Variants in CTNNBL1 observed in about 807,000 individuals in gnomAD.
The protein encoded by CTNNBL1 is beta-catenin-like protein 1.
CTNNBL1 carries 31 observed loss-of-function variants against 72.7 expected under a neutral mutation model. That is an observed-to-expected ratio of 0.43 (90% CI 0.32 to 0.58). The LOEUF is 0.58. Among genes scored for constraint, CTNNBL1 ranks in the 20% least tolerant of loss-of-function variants. CTNNBL1 has a pLI of 0.08. For missense variants in CTNNBL1, 534 were observed against 725.1 expected (o/e 0.74, Z 3.03); for synonymous variants, 240 against 267.3 (o/e 0.90, Z 1.00).
At chr20:37,736,799 A>G (rs367817252) in intron 2 of CTNNBL1, among the ~76,000 whole-genome samples, 1 of 152,102 alleles carries the variant, frequency 6.6e-6, no homozygotes, top group Admixed American at 6.5e-5. Flanking sequence ...TGAAGTGCCC[A>G]GTCTTTAACA....
intron 11 of CTNNBL1, among the ~76,000 whole-genome samples, chr20:37,828,408 C>T (rs2072179319): frequency 6.6e-6 from 1 of 151,950 alleles, no homozygotes; most frequent in Non-Finnish European, 1.5e-5. Flanking sequence ...AAAAATATGC[C>T]TATTGGGTAT....
chr20:37,822,499 A>G (rs766218036), intron 11 of CTNNBL1, among the ~76,000 whole-genome samples: 1 of 152,220 alleles, frequency 6.6e-6, no homozygotes, highest in Non-Finnish European at 1.5e-5. Flanking sequence ...GCCAGAAACC[A>G]TCTGTTTTAT....
At chr20:37,812,980 A>G (rs1421205294) in intron 11 of CTNNBL1, among the ~76,000 whole-genome samples, 1 of 151,910 alleles carries the variant, frequency 6.6e-6, no homozygotes, top group Non-Finnish European at 1.5e-5. Flanking sequence ...AAAGTTAGCC[A>G]GGTAAAGGAA....
intron 10 of CTNNBL1, among the ~76,000 whole-genome samples, chr20:37,799,603 A>C (rs1383380959): frequency 6.6e-6 from 1 of 152,138 alleles, no homozygotes; most frequent in Non-Finnish European, 1.5e-5. Flanking sequence ...ATCATCTTGG[A>C]CTTAATTTCC....
At chr20:37,795,802 A>AT (rs1266685965) in intron 10 of CTNNBL1, among the ~76,000 whole-genome samples, 2 of 139,822 alleles carry the variant, frequency 1.4e-5, no homozygotes, top group African/African-American at 2.7e-5. Flanking sequence ...TTTACTGATG[A>AT]TTTTTTTTCT....
At chr20:37,696,113 A>C (rs1027734382) in intron 1 of CTNNBL1, among the ~76,000 whole-genome samples, 5 of 152,204 alleles carry the variant, frequency 3.3e-5, no homozygotes, top group African/African-American at 1.2e-4. Flanking sequence ...TGCTCAACAA[A>C]TATATATTGA....
At chr20:37,867,591 G>A (rs898687943) in intron 15 of CTNNBL1, among the ~76,000 whole-genome samples, 3 of 152,146 alleles carry the variant, frequency 2.0e-5, no homozygotes, top group Admixed American at 1.3e-4. Flanking sequence ...AGGAGTTGAC[G>A]TGTATGCCGT....
chr20:37,831,120 A>G (rs1232372844), intron 11 of CTNNBL1, among the ~76,000 whole-genome samples: 2 of 152,228 alleles, frequency 1.3e-5, no homozygotes, highest in Admixed American at 1.3e-4. Flanking sequence ...GCTAGCGCAT[A>G]GCCATTCACC....
intron 4 of CTNNBL1, 38 bp from the exon 5 acceptor site, chr20:37,757,521 C>A: frequency 7.1e-7 from 1 of 1,417,850 alleles, no homozygotes; most frequent in East Asian, 2.3e-5. Context: ...ATACTGGTAC[C>A]GTTTCAGTAT....
chr20:37,756,665 TCTCA>T lies in CTNNBL1; in HGVS notation c.467-890_467-887del, dbSNP rs2073367735. On this transcript the variant is annotated intron_variant, in intron 4 of 15. Transcript: ENST00000361383. ...TTTTTTTTTTTTCTTTGAGACAGGGTCTCACTCTGTTTCCCAGGCTGGAGTGCAG... is the reference window on the plus strand; with the variant it reads ...TTTTTTTTTTTTCTTTGAGACAGGGTCTCTGTTTCCCAGGCTGGAGTGCAG... 4.8e-5 allele frequency among the ~76,000 whole-genome samples: 7 copies of T among 144,662 alleles called. No individual in the cohort carries two copies. The South Asian group carries it at 1.6e-3, about 32-fold the overall frequency. 94.9% of individuals were successfully genotyped at this position (144,662 alleles called of 152,430 possible). A position where few individuals can be genotyped will look rare whatever the true frequency, so the allele number is the denominator to read the frequency against.
intron 7 of CTNNBL1, among the ~76,000 whole-genome samples, chr20:37,776,479 G>A (rs997898657): frequency 7.2e-5 from 11 of 152,186 alleles, no homozygotes; most frequent in African/African-American, 2.4e-4. Context: ...CAGATAGGTA[G>A]CAAAGGTTGC....
chr20:37,767,922 T>G, intron 6 of CTNNBL1, 31 bp from the exon 7 acceptor site: 1 of 1,589,552 alleles, frequency 6.3e-7, no homozygotes, highest in Non-Finnish European at 8.6e-7. Flanking sequence ...AAAGTTGTCC[T>G]CCCAAATGAC....
At chr20:37,849,544 C>T (rs1299852562) in intron 13 of CTNNBL1, among the ~76,000 whole-genome samples, 1 of 152,264 alleles carries the variant, frequency 6.6e-6, no homozygotes, top group East Asian at 1.9e-4. Context: ...TTCCACATCC[C>T]TTTCATGAAG....
chr20:37,753,724 T>C (rs1264213662), intron 4 of CTNNBL1, among the ~76,000 whole-genome samples: 1 of 152,224 alleles, frequency 6.6e-6, no homozygotes, highest in Non-Finnish European at 1.5e-5. Flanking sequence ...TATTTTAACT[T>C]CCTTGGCCTT....
intron 1 of CTNNBL1, among the ~76,000 whole-genome samples, chr20:37,728,295 A>C (rs777811506): frequency 1.1e-4 from 16 of 152,254 alleles, no homozygotes; most frequent in Non-Finnish European, 2.2e-4. Flanking sequence ...TATAGATTAC[A>C]TGTTGAAATG....
At chr20:37,798,053 G>A (rs553752376) in intron 10 of CTNNBL1, among the ~76,000 whole-genome samples, 1 of 152,198 alleles carries the variant, frequency 6.6e-6, no homozygotes, top group South Asian at 2.1e-4. Context: ...CTCCACCGTA[G>A]GACTTAGCTT....
intron 2 of CTNNBL1, among the ~76,000 whole-genome samples, chr20:37,734,807 C>T (rs1466565525): frequency 6.6e-6 from 1 of 152,198 alleles, no homozygotes; most frequent in Non-Finnish European, 1.5e-5. Flanking sequence ...GGAGATACTG[C>T]TGTGGCTGAT....
chr20:37,746,385 CTTG>C, intron 3 of CTNNBL1, 80 bp from the exon 4 acceptor site: 1 of 1,473,642 alleles, frequency 6.8e-7, no homozygotes, highest in Non-Finnish European at 9.3e-7. Context: ...GACAGATTGC[CTTG>C]TTGTCTAGAT....
intron 5 of CTNNBL1, among the ~76,000 whole-genome samples, chr20:37,763,371 T>G (rs2073435585): frequency 6.6e-6 from 1 of 152,226 alleles, no homozygotes; most frequent in Non-Finnish European, 1.5e-5. Flanking sequence ...CACTTTCCTG[T>G]ATTTACAGGC....
Sources: gnomAD v4.1 joint callset for allele counts (sites outside exome capture counted in the v4.1 genomes callset) on GRCh38, gnomAD v4.1.1 for gene constraint, MANE v1.5 for transcripts, NCBI Gene and HGNC (gene_info 2026-07-23, HGNC 2026-07-21) for gene names.